Variants in CCDC88C observed in about 807,000 individuals in gnomAD.
CCDC88C encodes the protein protein Daple.
Under a neutral mutation model 198.8 loss-of-function variants are expected in CCDC88C, and 131 were observed. That is an observed-to-expected ratio of 0.66 (90% confidence interval 0.57 to 0.76). The LOEUF (loss-of-function observed/expected upper bound fraction) is 0.76. CCDC88C is among the 30% of genes least tolerant of loss of function. The pLI is 0.00. For missense variants in CCDC88C, 2,553 were observed against 2,631.6 expected, an observed-to-expected ratio of 0.97 and a Z score of 0.65; for synonymous variants, 1,166 against 1,114.7, an observed-to-expected ratio of 1.05 and a Z score of -0.92.
intron 18 of CCDC88C, among the ~76,000 whole-genome samples, chr14:91,306,823 G>C (rs902321369): frequency 2.0e-5 from 3 of 152,244 alleles, no homozygotes; most frequent in African/African-American, 7.2e-5. Context: ...AGGCTGAATT[G>C]CCATGAAGGC....
At chr14:91,322,046 A>G (rs557284768) in intron 12 of CCDC88C, among the ~76,000 whole-genome samples, 1 of 152,076 alleles carries the variant, frequency 6.6e-6, no homozygotes, top group South Asian at 2.1e-4. Context: ...TAGGTAAGTC[A>G]TGGGGTTGTT....
chr14:91,404,715 G>A (rs1317897585), intron 3 of CCDC88C, among the ~76,000 whole-genome samples: 1 of 152,140 alleles, frequency 6.6e-6, no homozygotes, highest in Non-Finnish European at 1.5e-5. Flanking sequence ...TGTAATCCCA[G>A]CACTTTGGGA....
At chr14:91,318,598 G>A (rs1449936712) in intron 13 of CCDC88C, among the ~76,000 whole-genome samples, 1 of 152,144 alleles carries the variant, frequency 6.6e-6, no homozygotes. Context: ...GGAACTCAAG[G>A]GACCAGTTCC....
intron 10 of CCDC88C, among the ~76,000 whole-genome samples, chr14:91,328,995 G>A (rs148359061): frequency 2.0e-5 from 3 of 152,180 alleles, no homozygotes; most frequent in Non-Finnish European, 4.4e-5. Flanking sequence ...GGTTCCCTAA[G>A]GGGGCCATAG....
intron 24 of CCDC88C, among the ~76,000 whole-genome samples, chr14:91,289,623 G>A (rs1210857897): frequency 6.6e-6 from 1 of 152,168 alleles, no homozygotes; most frequent in Non-Finnish European, 1.5e-5. Context: ...GTGATGCCGT[G>A]CTTAATTTAG....
Position 91,352,982 on chromosome 14 carries a change from C to T in CCDC88C, c.340+6660G>A, listed in dbSNP as rs1893883144. ...CCCAGCCCTCACAAGTTCCCCGGGG[C>T]CCCCGAAGGAAGGCAGGGCTGTGCC... On this transcript the variant is annotated intron_variant, in intron 4 of 29. Transcript: ENST00000389857. This position sits in a 1 kb window ranked among gnomAD's most constrained non-coding sequence, Gnocchi z 4.2. Among the ~76,000 whole-genome samples the T allele has an allele frequency of 6.6e-6, 1 of 152,236 alleles. No homozygotes were observed. Among genetic ancestry groups the T allele is most frequent in the South Asian group, 2.1e-4 (1 of 4,836 alleles).
At position 91,339,447 on chromosome 14, in the gene CCDC88C, T is replaced by A. The variant is rs1360872878; in HGVS notation, c.640A>T (p.Thr214Ser). Reference sequence around the variant, plus strand: ...GCCTGCAGGTAGTCCCGTTCCTGAGTGAGGTCCACGATCAGCTGCAGCCGG... The same window carrying A: ...GCCTGCAGGTAGTCCCGTTCCTGAGAGAGGTCCACGATCAGCTGCAGCCGG... ...DECTELIVDL[T>S]QERDYLQAQH... The change falls in exon 8 of 30, where the codon ACT (threonine) becomes TCT (serine). Residue 214 changes from threonine to serine, a missense_variant. Physicochemically the swap from Thr to Ser is moderately conservative, Grantham distance 58. This residue lies in a region of CCDC88C where 1,260 missense variants were observed against 1,412.0 expected (regional missense o/e 0.89). Transcript: ENST00000389857. This position sits in a 1 kb window ranked among gnomAD's most constrained non-coding sequence, Gnocchi z 5.8. 3 of 1,605,646 alleles carry A rather than the reference T, an allele frequency of 1.9e-6. No individual in the cohort carries two copies. The highest frequency in any genetic ancestry group is 2.6e-6 in the Non-Finnish European group (3 of 1,173,402).
rs1316482440 is a variant in CCDC88C at position 91,283,509 on chromosome 14, C to A, written c.4450G>T (p.Asp1484Tyr). 10 of 1,609,164 alleles carry A rather than the reference C, an allele frequency of 6.2e-6. No individual in the cohort carries two copies. The highest frequency in any genetic ancestry group is 1.7e-5 in the Admixed American group (1 of 59,204). The change falls in exon 26 of 30, where the codon GAT becomes TAT. Residue 1484 changes from aspartate to tyrosine, a missense_variant. Physicochemically the swap from Asp to Tyr is radical, Grantham distance 160. Around this residue, in one of 2 missense-constraint regions of CCDC88C, gnomAD observed 1,293 missense variants for 1,219.6 expected, o/e 1.06. Transcript: ENST00000389857. ...HNGSVGKGPG[D>Y]LKPKRGSPHR... The stretch of plus-strand genomic sequence containing the variant: ...GGGGAGCCTCGCTTTGGTTTTAGAT[C>A]CCCAGGGCCTGAGGCAGAAGAGGAC...
In CCDC88C at chr14:91,273,273, G is replaced by C. The variant is rs2140904084; in HGVS notation, c.5439C>G (p.Leu1813=). 1 of 1,559,656 alleles carries C rather than the reference G, an allele frequency of 6.4e-7. No homozygotes were observed. Among genetic ancestry groups the C allele is most frequent in the Non-Finnish European group, 8.7e-7 (1 of 1,151,560 alleles). The change falls in exon 30 of 30, where the codon CTC becomes CTG. Residue 1813 remains leucine, a synonymous_variant. Coordinates refer to ENST00000389857, the MANE Select transcript of CCDC88C (RefSeq NM_001080414.4). The surrounding 1 kb of genome is among the most constrained non-coding windows in gnomAD (Gnocchi z 5.6). ...RAFSLASADL[L]RASGPEACKQ... is the part of the protein sequence containing the mutation. ...TGCAGGCCTCTGGCCCGCTGGCCCG[G>C]AGAAGGTCAGCTGAGGCCAGGCTGA...
chr14:91,406,221 T>C (rs1886476392), intron 3 of CCDC88C, among the ~76,000 whole-genome samples: 1 of 152,124 alleles, frequency 6.6e-6, no homozygotes, highest in Non-Finnish European at 1.5e-5. Context: ...ACCCTCAGAG[T>C]GGCTGGTCAC....
At chr14:91,410,950 C>G (rs900866041) in intron 2 of CCDC88C, among the ~76,000 whole-genome samples, 2 of 152,162 alleles carry the variant, frequency 1.3e-5, no homozygotes, top group Non-Finnish European at 2.9e-5. Context: ...CACTCAGGGT[C>G]GGGAACCTGG....
chr14:91,313,727 G>C lies in CCDC88C; in HGVS notation c.2089C>G (p.Arg697Gly). 1 of 1,609,824 alleles carries C rather than the reference G, an allele frequency of 6.2e-7. No individual in the cohort carries two copies. Among genetic ancestry groups the C allele is most frequent in the South Asian group, 1.1e-5 (1 of 91,074 alleles). The change falls in exon 15 of 30, where the codon CGT becomes GGT. Residue 697 changes from arginine to glycine, a missense_variant. Physicochemically the swap from Arg to Gly is moderately radical, Grantham distance 125. Around this residue, in one of 2 missense-constraint regions of CCDC88C, gnomAD observed 1,260 missense variants for 1,412.0 expected, o/e 0.89. Transcript: ENST00000389857. The surrounding 1 kb of genome is among the most constrained non-coding windows in gnomAD (Gnocchi z 5.2). ...NVSLQLEGLE[R>G]DNKQLDAENL... ...TCTGCGTCCAGCTGCTTGTTGTCACGCTCCAGGCCCTCAAGCTGCAGGGAC... is the reference window on the plus strand; with the variant it reads ...TCTGCGTCCAGCTGCTTGTTGTCACCCTCCAGGCCCTCAAGCTGCAGGGAC...
At chr14:91,415,285 G>A (rs1323595474) in intron 2 of CCDC88C, among the ~76,000 whole-genome samples, 1 of 152,074 alleles carries the variant, frequency 6.6e-6, no homozygotes, top group Admixed American at 6.6e-5. Flanking sequence ...GTCAAAGCTG[G>A]CAACAGATTT....
intron 20 of CCDC88C, among the ~76,000 whole-genome samples, chr14:91,300,717 T>C (rs1891235620): frequency 6.6e-6 from 1 of 152,106 alleles, no homozygotes; most frequent in Non-Finnish European, 1.5e-5. Flanking sequence ...GGCTCTAATC[T>C]TCTCCAGGCT....
intron 3 of CCDC88C, among the ~76,000 whole-genome samples, chr14:91,406,874 G>A (rs2140010558): frequency 6.6e-6 from 1 of 152,276 alleles, no homozygotes; most frequent in East Asian, 1.9e-4. Flanking sequence ...CAAATCCCCA[G>A]AGCCAACTCT....
At chr14:91,298,900 T>C (rs1198236543) in intron 21 of CCDC88C, among the ~76,000 whole-genome samples, 1 of 152,230 alleles carries the variant, frequency 6.6e-6, no homozygotes, top group African/African-American at 2.4e-5. Flanking sequence ...GACTCTGCTA[T>C]TCACTAGAAA....
Position 91,278,183 on chromosome 14 carries a change from A to G in CCDC88C, c.4797T>C (p.Ser1599=). 1.2e-6 allele frequency: 2 copies of G among 1,609,988 alleles called. No individual in the cohort carries two copies. The highest frequency in any genetic ancestry group is 1.7e-6 in the Non-Finnish European group (2 of 1,177,624). Residue 1599 remains serine, a synonymous_variant, in exon 29 of 30, where the codon TCT becomes TCC. Coordinates refer to ENST00000389857, the MANE Select transcript of CCDC88C (RefSeq NM_001080414.4). ...TCAGGTCTTCGCTGCTGAAGCTCTC[A>G]GACCGGCCATGGAGCTGCTCGGAGG... is the stretch of plus-strand genomic sequence containing the variant. ...KGSSEQLHGR[S]ESFSSEDLIP... is the part of the protein sequence containing the mutation.
chr14:91,289,116 G>C lies in CCDC88C; in HGVS notation c.4430C>G (p.Ser1477Cys), dbSNP rs753324902. 3.7e-6 allele frequency: 6 copies of C among 1,611,988 alleles called. No individual in the cohort carries two copies. In the Admixed American group the frequency reaches 5.0e-5, roughly 13 times the overall value. ...CAEERDAHNG[S>C]VGKGPGDLKP... ...ACGGCCGCCCCTACCTTTCCCCACA[G>C]ACCCGTTGTGGGCGTCGCGCTCTTC... is the stretch of plus-strand genomic sequence containing the variant. Residue 1477 changes from serine to cysteine, a missense_variant, in exon 25 of 30, where the codon TCT (serine) becomes TGT (cysteine). Ser to Cys is a moderately radical substitution (Grantham distance 112, BLOSUM62 -1). Coordinates refer to ENST00000389857, the MANE Select transcript of CCDC88C (RefSeq NM_001080414.4).
chr14:91,416,605 T>A (rs1887066841), intron 2 of CCDC88C, 133 bp downstream of exon 2: 1 of 705,710 alleles, frequency 1.4e-6, no homozygotes, highest in African/African-American at 1.8e-5. Flanking sequence ...AATACTGAGA[T>A]ACCAGCGTCT....
Sources: allele counts gnomAD v4.1 joint callset (sites outside exome capture counted in the v4.1 genomes callset), GRCh38; gene constraint gnomAD v4.1.1; regional missense constraint gnomAD v4.1.1; non-coding constraint Gnocchi (gnomAD v3.1); transcripts MANE v1.5; gene names NCBI Gene and HGNC (gene_info 2026-07-23, HGNC 2026-07-21).